Variants in PCNX3 observed in about 807,000 individuals in gnomAD.
PCNX3 encodes the protein pecanex 3.
In PCNX3, 58 loss-of-function variants were observed where a neutral mutation model predicts 207.2. The ratio of observed to expected loss-of-function variants is 0.28; its 90% CI spans 0.23 to 0.35. The LOEUF is 0.35. Among genes scored for constraint, PCNX3 ranks in the 10% least tolerant of loss-of-function variants. The probability of loss-of-function intolerance (pLI) is 1.00; values close to 1 mark genes in which losing one functional copy is unlikely to be tolerated. For missense variants in PCNX3, 2,410 were observed against 2,774.4 expected (o/e 0.87, Z 2.95); for synonymous variants, 1,337 against 1,183.5 (o/e 1.13, Z -2.66).
At position 65,627,392 on chromosome 11, in the gene PCNX3, C is replaced by T. The variant is rs757011041; in HGVS notation, c.3525-13C>T. 1 of 1,605,234 alleles carries T rather than the reference C, an allele frequency of 6.2e-7. No homozygotes were observed. Among genetic ancestry groups the T allele is most frequent in the East Asian group, 2.2e-5 (1 of 44,856 alleles). ...CCCCTACCAAGCACCCGATGCCTGC[C>T]CCTTGCCCACAGCTGCCGGGCGCTG... On this transcript the variant is annotated splice_polypyrimidine_tract_variant and intron_variant, in intron 21 of 34. Coordinates refer to ENST00000355703, the MANE Select transcript of PCNX3 (RefSeq NM_032223.4).
In PCNX3 at chr11:65,623,926, C is replaced by T. The variant is rs762564749; in HGVS notation, c.2512-3C>T. 6 of 1,612,744 alleles carry T rather than the reference C, an allele frequency of 3.7e-6. No individual in the cohort carries two copies. Among genetic ancestry groups the T allele is most frequent in the East Asian group, 2.2e-5 (1 of 44,878 alleles). On this transcript the variant is annotated splice_region_variant and splice_polypyrimidine_tract_variant and intron_variant, in intron 12 of 34. Coordinates refer to ENST00000355703, the MANE Select transcript of PCNX3 (RefSeq NM_032223.4). ...GTTGCCAACGTAGCCCTGTCTCTTC[C>T]AGAGCGTGCAGCCTGATGCGGCGTC... is the stretch of plus-strand genomic sequence containing the variant.
In PCNX3 at chr11:65,630,458, A is replaced by C. The variant is rs1335715758; in HGVS notation, c.4324A>C (p.Asn1442His). 1 of 1,613,646 alleles carries C rather than the reference A, an allele frequency of 6.2e-7. No homozygotes were observed. Among genetic ancestry groups the C allele is most frequent in the Non-Finnish European group, 8.5e-7 (1 of 1,179,868 alleles). ...CCACCTGCCACGGGTCCTGTCCTTC[A>C]ATGCTGCCTTTGGGCAGCGCTGGCT... ...PGHLPRVLSF[N>H]AAFGQRWLAW... Residue 1442 changes from asparagine (N) to histidine (H), a missense_variant, in exon 27 of 35, where the codon AAT (asparagine) becomes CAT (histidine). Around this residue, in one of 8 missense-constraint regions of PCNX3, gnomAD observed 420 missense variants for 705.3 expected, o/e 0.60. Transcript: ENST00000355703.
chr11:65,623,737 G>A lies in PCNX3; in HGVS notation c.2511+93G>A, dbSNP rs1473171586. The A allele has an allele frequency of 1.7e-5, 27 of 1,549,222 alleles. 1 individual carries two copies. In the South Asian group the frequency reaches 2.5e-4, roughly 15 times the overall value. On this transcript the variant is annotated intron_variant, in intron 12 of 34. Coordinates refer to ENST00000355703, the MANE Select transcript of PCNX3 (RefSeq NM_032223.4). ...CAGTTTTAAGGAGTATAAGCTGAAA[G>A]GTAGATAATTTGTCTAAGGTTCCCT... is the stretch of plus-strand genomic sequence containing the variant.
chr11:65,620,680 A>T, intron 9 of PCNX3, 151 bp from the exon 10 acceptor site: 2 of 1,121,740 alleles, frequency 1.8e-6, no homozygotes, highest in Admixed American at 4.6e-5. Flanking sequence ...GGAGGGAGGC[A>T]CTTCTGCCAC....
chr11:65,621,883 G>T (rs1855122924), intron 10 of PCNX3, among the ~76,000 whole-genome samples: 1 of 152,220 alleles, frequency 6.6e-6, no homozygotes, highest in Admixed American at 6.5e-5. Context: ...TGTCTGGGAG[G>T]AGGGTAGCAT....
chr11:65,618,710 A>G lies in PCNX3; in HGVS notation c.1348A>G (p.Thr450Ala), dbSNP rs775824015. The G allele has an allele frequency of 6.7e-5, 108 of 1,612,672 alleles. No homozygotes were observed. The highest frequency in any genetic ancestry group is 3.3e-5 in the Admixed American group (2 of 59,984). The change falls in exon 6 of 35, where the codon ACT becomes GCT. Residue 450 changes from threonine to alanine, a missense_variant. Coordinates refer to ENST00000355703, the MANE Select transcript of PCNX3 (RefSeq NM_032223.4). ...RRYSTDSSSS[T>A]SCYSPESSRG... ...CTACAGTACTGACAGCTCCTCTTCT[A>G]CTTCCTGCTACTCCCCTGAGAGCTC...
At position 65,635,534 on chromosome 11, in the gene PCNX3, C is replaced by G; in HGVS notation, c.5190C>G (p.Asn1730Lys). ...RHLSFRVIKV[N>K]RECVRGLWAG... Reference sequence around the variant, plus strand: ...CCCTGGCGTGTGGCTCTCAGGTGAACCGGGAGTGCGTGCGCGGCCTGTGGG... The same window carrying G: ...CCCTGGCGTGTGGCTCTCAGGTGAAGCGGGAGTGCGTGCGCGGCCTGTGGG... The change falls in exon 32 of 35, where the codon AAC (asparagine) becomes AAG (lysine). Residue 1730 changes from asparagine (N) to lysine (K), a missense_variant. Physicochemically the swap from Asn to Lys is moderately conservative, Grantham distance 94. Around this residue, in one of 8 missense-constraint regions of PCNX3, gnomAD observed 420 missense variants for 705.3 expected, o/e 0.60. Coordinates refer to ENST00000355703, the MANE Select transcript of PCNX3 (RefSeq NM_032223.4). This position sits in a 1 kb window ranked among gnomAD's most constrained non-coding sequence, Gnocchi z 9.9. 6.2e-7 allele frequency: 1 copy of G among 1,610,466 alleles called. No homozygotes were observed. Among genetic ancestry groups the G allele is most frequent in the Non-Finnish European group, 8.5e-7 (1 of 1,179,378 alleles).
rs767843052 is a variant in PCNX3 at position 65,616,289 on chromosome 11, G to T, written c.-23G>T. ...CCCCATGAGGGTCCCGGGAGGGGGG[G>T]CGCGGGCAGCAGCGGCGGGGCCATG... On this transcript the variant is annotated 5_prime_UTR_variant, in exon 1 of 35. Coordinates refer to ENST00000355703, the MANE Select transcript of PCNX3 (RefSeq NM_032223.4). 28 of 1,545,916 alleles carry T rather than the reference G, an allele frequency of 1.8e-5. No individual in the cohort carries two copies. Among genetic ancestry groups the T allele is most frequent in the East Asian group, 2.4e-5 (1 of 40,846 alleles).
intron 9 of PCNX3, 33 bp from the exon 10 acceptor site, chr11:65,620,798 G>A (rs367814058): frequency 4.2e-5 from 67 of 1,586,760 alleles, no homozygotes; most frequent in East Asian, 1.6e-4. Flanking sequence ...GGGCTCGCCC[G>A]TGGGGGGATC....
At position 65,628,965 on chromosome 11, in the gene PCNX3, G is replaced by C; in HGVS notation, c.3941+17G>C. ...CGACTACAAGTGAGTCTCACAGGAG[G>C]CGGGAGCATGCCCAGCAGGGCAGGA... On this transcript the variant is annotated intron_variant, in intron 24 of 34. Transcript: ENST00000355703. The C allele has an allele frequency of 6.2e-7, 1 of 1,609,542 alleles. No individual in the cohort carries two copies. Among genetic ancestry groups the C allele is most frequent in the South Asian group, 1.1e-5 (1 of 91,006 alleles).
Position 65,616,098 on chromosome 11 carries a change from C to T in PCNX3, c.-214C>T, listed in dbSNP as rs1230249153. 2.9e-6 allele frequency: 1 copy of T among 349,472 alleles called. No homozygotes were observed. Among genetic ancestry groups the T allele is most frequent in the Non-Finnish European group, 5.1e-6 (1 of 196,046 alleles). The allele number at this position is 349,472 out of a possible 1,614,324, so 21.6% of individuals were successfully genotyped here. A position where few individuals can be genotyped will look rare whatever the true frequency, so the allele number is the denominator to read the frequency against. ...GACCCCGCCCCTGATGCAGCCCCAC[C>T]CCCGCGTCCGGGCCTTGCACCACTG... On this transcript the variant is annotated 5_prime_UTR_variant, in exon 1 of 35. Coordinates refer to ENST00000355703, the MANE Select transcript of PCNX3 (RefSeq NM_032223.4).
At chr11:65,621,173 T>C (rs1855074393) in intron 10 of PCNX3, among the ~76,000 whole-genome samples, 1 of 152,242 alleles carries the variant, frequency 6.6e-6, no homozygotes, top group African/African-American at 2.4e-5. Flanking sequence ...GTCATTTATT[T>C]GCTTACTACG....
chr11:65,632,885 C>T (rs1481902699), intron 27 of PCNX3, among the ~76,000 whole-genome samples: 1 of 151,740 alleles, frequency 6.6e-6, no homozygotes, highest in Admixed American at 6.6e-5. Context: ...GCTGGGACTA[C>T]AGGCATGCAC....
At chr11:65,626,244 G>A (rs1173533282) in intron 20 of PCNX3, 190 bp downstream of exon 20, 3 of 777,376 alleles carry the variant, frequency 3.9e-6, no homozygotes, top group Non-Finnish European at 6.6e-6. Context: ...TCTTCTCCTC[G>A]TGCCCTGCTG....
chr11:65,617,888 T>C (rs1461132179), intron 5 of PCNX3, 52 bp from the exon 6 acceptor site: 35 of 1,506,776 alleles, frequency 2.3e-5, no homozygotes, highest in Non-Finnish European at 5.3e-6. Flanking sequence ...AACCACTAGT[T>C]TGTTTTGCAG....
chr11:65,618,630 A>T lies in PCNX3; in HGVS notation c.1268A>T (p.Asp423Val). The T allele has an allele frequency of 6.2e-7, 1 of 1,612,854 alleles. No homozygotes were observed. The highest frequency in any genetic ancestry group is 8.5e-7 in the Non-Finnish European group (1 of 1,179,784). ...GGTGGGGGCTTCTTTGAGGATGAAG[A>T]CACTAGTGAGGGCAGTGAACTGAGC... ...LEGGGFFEDE[D>V]TSEGSELSPA... The change falls in exon 6 of 35, where the codon GAC (aspartate) becomes GTC (valine). Residue 423 changes from aspartate (D) to valine (V), a missense_variant. By Grantham distance (152) the Asp-to-Val change is radical (BLOSUM62 -3). Around this residue, in one of 8 missense-constraint regions of PCNX3, gnomAD observed 1,104 missense variants for 970.3 expected, o/e 1.14. Transcript: ENST00000355703.
rs374348174 is a variant in PCNX3 at position 65,636,435 on chromosome 11, C to T, written c.5638C>T (p.Arg1880Trp). 1.5e-5 allele frequency: 24 copies of T among 1,555,086 alleles called. No homozygotes were observed. The highest frequency in any genetic ancestry group is 1.4e-4 in the Admixed American group (7 of 50,768). The stretch of plus-strand genomic sequence containing the variant: ...CCCACCAGGCCCTGGCTGGGGGCCG[C>T]GGTCCTCCCTGAGTGGCTCTGGTGA... Reference protein sequence around the residue: ...PLPPGPGWGPRSSLSGSGDGR... With the variant: ...PLPPGPGWGPWSSLSGSGDGR... The change falls in exon 34 of 35, where the codon CGG (arginine) becomes TGG (tryptophan). Residue 1880 changes from arginine (R) to tryptophan (W), a missense_variant. This residue lies in a region of PCNX3 where 278 missense variants were observed against 245.1 expected (regional missense o/e 1.13). Coordinates refer to ENST00000355703, the MANE Select transcript of PCNX3 (RefSeq NM_032223.4).
chr11:65,634,926 G>C, intron 29 of PCNX3, 47 bp from the exon 30 acceptor site: 1 of 1,582,606 alleles, frequency 6.3e-7, no homozygotes, highest in East Asian at 2.2e-5. Context: ...CTTACCCCTG[G>C]GTCCTCGACA....
intron 22 of PCNX3, 47 bp downstream of exon 22, chr11:65,627,629 A>G (rs1855457827): frequency 6.3e-7 from 1 of 1,589,842 alleles, no homozygotes; most frequent in East Asian, 2.2e-5. Context: ...CAATGGGAGC[A>G]GAGCCAACTT....
Sources: allele counts gnomAD v4.1 joint callset (sites outside exome capture counted in the v4.1 genomes callset), GRCh38; gene constraint gnomAD v4.1.1; regional missense constraint gnomAD v4.1.1; non-coding constraint Gnocchi (gnomAD v3.1); transcripts MANE v1.5; gene names NCBI Gene and HGNC (gene_info 2026-07-23, HGNC 2026-07-21).